PEX5L: variants seen among roughly 807,000 people sequenced by gnomAD.
The protein encoded by PEX5L is PEX5-related protein.
In PEX5L, 30 loss-of-function variants were observed where a neutral mutation model predicts 84.0. The observed-to-expected ratio is 0.36, with a 90% CI of 0.27 to 0.48. The LOEUF (loss-of-function observed/expected upper bound fraction) is 0.48, where lower values mean the gene tolerates loss of function less well. Ranked by LOEUF, PEX5L falls within the 20% of genes least tolerant of loss-of-function variation. The probability of loss-of-function intolerance (pLI) is 0.99; values close to 1 mark genes in which losing one functional copy is unlikely to be tolerated. For missense variants in PEX5L, 533 were observed against 754.6 expected, an observed-to-expected ratio of 0.71 and a Z score of 3.44; for synonymous variants, 270 against 283.1, an observed-to-expected ratio of 0.95 and a Z score of 0.46.
chr3:179,962,969 T>C (rs1253127320), intron 2 of PEX5L, among the ~76,000 whole-genome samples: 1 of 152,230 alleles, frequency 6.6e-6, no homozygotes, highest in East Asian at 1.9e-4. Context: ...CAATACATTT[T>C]TCCAGCTTGA....
At chr3:179,891,919 C>T (rs12487519) in intron 3 of PEX5L, among the ~76,000 whole-genome samples, 13,509 of 152,102 alleles carry the variant, frequency 0.089, 825 homozygotes, top group Non-Finnish European at 0.14. Flanking sequence ...AGCTTAATTT[C>T]CAAATTGTAT....
chr3:179,838,578 G>A (rs1421205499), intron 8 of PEX5L, among the ~76,000 whole-genome samples: 1 of 152,120 alleles, frequency 6.6e-6, no homozygotes, highest in African/African-American at 2.4e-5. Flanking sequence ...ACATTGTTAT[G>A]TACAAAACAT....
intron 1 of PEX5L, among the ~76,000 whole-genome samples, chr3:179,995,468 A>G (rs1787802135): frequency 6.6e-6 from 1 of 152,084 alleles, no homozygotes; most frequent in African/African-American, 2.4e-5. Context: ...TTAGTGTGAA[A>G]TGTTTAGAGA....
Position 179,807,571 on chromosome 3 carries a change from T to C in PEX5L, c.1676+103A>G, listed in dbSNP as rs1288822258. 33 of 1,070,416 alleles carry C rather than the reference T, an allele frequency of 3.1e-5. No individual in the cohort carries two copies. In the East Asian group the frequency reaches 7.1e-4, roughly 23 times the overall value. 66.3% of individuals were successfully genotyped at this position (1,070,416 alleles called of 1,614,324 possible). On this transcript the variant is annotated intron_variant, in intron 14 of 14. Transcript: ENST00000467460. ...TCACCCTTAACGGCAGGAGGAGGAA[T>C]ACTCCTACCAAGGCAGGCATTTTTA...
In PEX5L at chr3:179,797,996, A is replaced by G. The variant is rs1017555640; in HGVS notation, c.*3832T>C. On this transcript the variant is annotated 3_prime_UTR_variant, in exon 15 of 15. Coordinates refer to ENST00000467460, the MANE Select transcript of PEX5L (RefSeq NM_016559.3). ...GCTTTCTCTGTATTCCCAAGCTCAC[A>G]GACAAAGTTTATGATAAAGAGTTTG... is the stretch of plus-strand genomic sequence containing the variant. 1 of 152,202 alleles carries G rather than the reference A, an allele frequency of 6.6e-6. No individual in the cohort carries two copies. The highest frequency in any genetic ancestry group is 2.4e-5 in the African/African-American group (1 of 41,446). 9.4% of individuals were successfully genotyped at this position (152,202 alleles called of 1,614,324 possible). A position where few individuals can be genotyped will look rare whatever the true frequency, so the allele number is the denominator to read the frequency against.
At chr3:179,983,971 A>C (rs1786571611) in intron 1 of PEX5L, among the ~76,000 whole-genome samples, 1 of 152,064 alleles carries the variant, frequency 6.6e-6, no homozygotes, top group Non-Finnish European at 1.5e-5. Context: ...CAACACTAGA[A>C]TGTTACCAAA....
chr3:179,973,195 A>G, intron 1 of PEX5L: 1 of 1,289,120 alleles, frequency 7.8e-7, no homozygotes, highest in South Asian at 1.2e-5. Context: ...TTCTGGACAA[A>G]AGGGCATTAA....
intron 8 of PEX5L, among the ~76,000 whole-genome samples, chr3:179,834,475 C>G (rs1286790659): frequency 6.6e-6 from 1 of 152,192 alleles, no homozygotes; most frequent in African/African-American, 2.4e-5. Flanking sequence ...CATGACTGTA[C>G]CCACCACACA....
intron 1 of PEX5L, among the ~76,000 whole-genome samples, chr3:180,013,765 C>T (rs540732729): frequency 6.6e-6 from 1 of 152,242 alleles, no homozygotes; most frequent in East Asian, 1.9e-4. Context: ...GGGTATTCAC[C>T]TCCACTTGTA....
In PEX5L at chr3:180,016,149, T is replaced by A. The variant is rs548962309; in HGVS notation, c.21+20430A>T. On this transcript the variant is annotated intron_variant, in intron 1 of 14. Coordinates refer to ENST00000467460, the MANE Select transcript of PEX5L (RefSeq NM_016559.3). The stretch of plus-strand genomic sequence containing the variant: ...ACTCAATATCTTATCTTTCTGTTTT[T>A]AATTCTATCCTTAATTTTATTCTAA... Among the ~76,000 whole-genome samples, 9 of 152,284 alleles carry A rather than the reference T, an allele frequency of 5.9e-5. 1 individual carries two copies. The South Asian group carries it at 1.9e-3, about 32-fold the overall frequency.
intron 1 of PEX5L, among the ~76,000 whole-genome samples, chr3:179,995,792 G>A (rs565321157): frequency 3.5e-4 from 53 of 152,300 alleles, no homozygotes; most frequent in African/African-American, 1.3e-3. Context: ...GCAAGTGGCT[G>A]ACCTGCAACG....
intron 2 of PEX5L, among the ~76,000 whole-genome samples, chr3:179,909,971 T>C (rs763609642): frequency 2.0e-5 from 3 of 152,250 alleles, no homozygotes; most frequent in African/African-American, 4.8e-5. Flanking sequence ...TGTGGTACTT[T>C]GTCATGGAAG....
chr3:180,036,760 C>T lies in PEX5L; in HGVS notation c.-161G>A. On this transcript the variant is annotated 5_prime_UTR_variant, in exon 1 of 15. Coordinates refer to ENST00000467460, the MANE Select transcript of PEX5L (RefSeq NM_016559.3). Reference sequence around the variant, plus strand: ...GGTACTCGGCCGGCCGGCGGCCACTCGGCAGCGCTGCGGGCTGCCGGGAAC... The same window carrying T: ...GGTACTCGGCCGGCCGGCGGCCACTTGGCAGCGCTGCGGGCTGCCGGGAAC... 2 of 735,588 alleles carry T rather than the reference C, an allele frequency of 2.7e-6. No homozygotes were observed. Among genetic ancestry groups the T allele is most frequent in the Non-Finnish European group, 4.9e-6 (2 of 408,608 alleles). 45.6% of individuals were successfully genotyped at this position (735,588 alleles called of 1,614,324 possible). A position where few individuals can be genotyped will look rare whatever the true frequency, so the allele number is the denominator to read the frequency against.
chr3:179,947,012 G>C (rs1236910891), intron 2 of PEX5L, among the ~76,000 whole-genome samples: 1 of 152,202 alleles, frequency 6.6e-6, no homozygotes, highest in Non-Finnish European at 1.5e-5. Context: ...GGGTTTCATA[G>C]TATATGAAAC....
At chr3:179,860,486 C>G (rs1442372485) in intron 7 of PEX5L, among the ~76,000 whole-genome samples, 2 of 152,208 alleles carry the variant, frequency 1.3e-5, no homozygotes, top group Non-Finnish European at 1.5e-5. Context: ...AAATAAGAAA[C>G]TCTGGGGGTG....
At chr3:179,911,785 G>C (rs991801603) in intron 2 of PEX5L, among the ~76,000 whole-genome samples, 4 of 152,116 alleles carry the variant, frequency 2.6e-5, no homozygotes, top group Admixed American at 1.3e-4. Flanking sequence ...TGAATTCACA[G>C]ACTGTTTTAT....
intron 4 of PEX5L, among the ~76,000 whole-genome samples, chr3:179,883,969 G>A (rs1754963901): frequency 6.6e-6 from 1 of 152,158 alleles, no homozygotes; most frequent in South Asian, 2.1e-4. Flanking sequence ...ACAAACTGTA[G>A]ATATATGAGG....
chr3:180,033,103 T>C (rs1791602797), intron 1 of PEX5L, among the ~76,000 whole-genome samples: 1 of 152,228 alleles, frequency 6.6e-6, no homozygotes, highest in African/African-American at 2.4e-5. Flanking sequence ...TTAAATTACC[T>C]AAGCTATTCC....
intron 2 of PEX5L, among the ~76,000 whole-genome samples, chr3:179,944,073 T>C (rs947078312): frequency 1.3e-5 from 2 of 150,960 alleles, no homozygotes; most frequent in African/African-American, 4.9e-5. Context: ...AATTTATGAA[T>C]TCAAAGGCTA....
Sources: allele counts gnomAD v4.1 joint callset (sites outside exome capture counted in the v4.1 genomes callset), GRCh38; gene constraint gnomAD v4.1.1; transcripts MANE v1.5; gene names NCBI Gene and HGNC (gene_info 2026-07-23, HGNC 2026-07-21).